TJP1: variants seen among roughly 807,000 people sequenced by gnomAD.
TJP1 encodes the protein tight junction protein ZO-1.
TJP1 carries 43 observed loss-of-function variants against 194.2 expected under a neutral mutation model. The observed-to-expected ratio is 0.22, with a 90% CI of 0.17 to 0.29. The LOEUF (loss-of-function observed/expected upper bound fraction) is 0.29. Ranked by LOEUF, TJP1 falls within the 10% of genes least tolerant of loss-of-function variation. The pLI is 1.00. For synonymous variants in TJP1, 801 were observed against 779.0 expected (o/e 1.03, Z -0.47); for missense variants, 1,971 against 2,185.7 (o/e 0.90, Z 1.96).
At chr15:29,703,773 G>A (rs2041710607) in intron 27 of TJP1, among the ~76,000 whole-genome samples, 2 of 151,996 alleles carry the variant, frequency 1.3e-5, no homozygotes, top group Non-Finnish European at 2.9e-5. Flanking sequence ...CTCCCGAGTA[G>A]CTGGGATTAC....
In TJP1 at chr15:29,718,605, A is replaced by G; in HGVS notation, c.3537T>C (p.Pro1179=). The G allele has an allele frequency of 6.2e-7, 1 of 1,614,190 alleles. No individual in the cohort carries two copies. Among genetic ancestry groups the G allele is most frequent in the Non-Finnish European group, 8.5e-7 (1 of 1,180,030 alleles). The stretch of plus-strand genomic sequence containing the variant: ...ACTCTGCAGGCTTGGGCCCTGCTGA[A>G]GGGTGGGGCTGGGCTTCCGGTCTGA... ...GRLRPEAQPH[P]SAGPKPAESK... The change falls in exon 21 of 28, where the codon CCT becomes CCC. Residue 1179 remains proline (P), a synonymous_variant. Coordinates refer to ENST00000614355, the MANE Select transcript of TJP1 (RefSeq NM_001330239.4).
chr15:29,946,430 G>C (rs2055284551), intron 2 of TJP1, among the ~76,000 whole-genome samples: 1 of 152,222 alleles, frequency 6.6e-6, no homozygotes, highest in East Asian at 1.9e-4. Context: ...ACCACATGGT[G>C]AATTAAGTGT....
At chr15:29,911,330 G>T (rs963992328) in intron 2 of TJP1, among the ~76,000 whole-genome samples, 1 of 152,146 alleles carries the variant, frequency 6.6e-6, no homozygotes, top group African/African-American at 2.4e-5. Flanking sequence ...AGGCATAATG[G>T]AACCCATTAG....
At chr15:29,831,481 C>A (rs1317305397) in intron 2 of TJP1, among the ~76,000 whole-genome samples, 1 of 152,038 alleles carries the variant, frequency 6.6e-6, no homozygotes, top group Non-Finnish European at 1.5e-5. Context: ...AACAGAAATA[C>A]AAGGGAAGGA....
chr15:29,947,743 T>C (rs1273595856), intron 2 of TJP1, among the ~76,000 whole-genome samples: 1 of 152,194 alleles, frequency 6.6e-6, no homozygotes, highest in Non-Finnish European at 1.5e-5. Flanking sequence ...TTTCTGACCC[T>C]TTACTCTGCC....
intron 1 of TJP1, among the ~76,000 whole-genome samples, chr15:29,812,262 C>T (rs961500413): frequency 6.6e-6 from 1 of 152,206 alleles, no homozygotes; most frequent in Non-Finnish European, 1.5e-5. Context: ...ATGGTGTTTA[C>T]ACGGGTGTTC....
chr15:29,921,298 T>C (rs2054350255), intron 2 of TJP1, among the ~76,000 whole-genome samples: 1 of 152,180 alleles, frequency 6.6e-6, no homozygotes, highest in African/African-American at 2.4e-5. Context: ...TCAGACCAGA[T>C]TCCTTTCATT....
chr15:29,842,441 T>C (rs566358110), intron 2 of TJP1, among the ~76,000 whole-genome samples: 1 of 80 alleles, frequency 0.013, no homozygotes, highest in South Asian at 0.25. Flanking sequence ...CTGGACAGTA[T>C]GCCATCCCCC....
chr15:29,818,636 G>C (rs891376852), intron 1 of TJP1, among the ~76,000 whole-genome samples: 3 of 151,418 alleles, frequency 2.0e-5, no homozygotes, highest in Non-Finnish European at 4.4e-5. Context: ...TTCCCATTAG[G>C]GGGGATTACA....
At chr15:29,918,406 A>G (rs2054253159) in intron 2 of TJP1, among the ~76,000 whole-genome samples, 1 of 152,178 alleles carries the variant, frequency 6.6e-6, no homozygotes, top group African/African-American at 2.4e-5. Context: ...AAAGACAGAA[A>G]CCAAAATAAA....
At chr15:29,800,523 A>G (rs918097162) in intron 2 of TJP1, 123 bp downstream of exon 2, 1 of 856,932 alleles carries the variant, frequency 1.2e-6, no homozygotes. Context: ...AATTTTAAAC[A>G]AAAGAATATA....
At chr15:29,815,224 G>A (rs1294373581) in intron 1 of TJP1, among the ~76,000 whole-genome samples, 1 of 152,208 alleles carries the variant, frequency 6.6e-6, no homozygotes, top group Admixed American at 6.5e-5. Flanking sequence ...CTAGGTCAGA[G>A]AGAGCAAAAG....
At chr15:29,699,985 C>A, downstream of TJP1, 1 of 280,696 alleles carries the variant, frequency 3.6e-6, no homozygotes, top group Non-Finnish European at 6.6e-6. Flanking sequence ...ATGAGCACTG[C>A]CCACCCATCT....
At position 29,719,763 on chromosome 15, in the gene TJP1, C is replaced by A. The variant is rs770421802; in HGVS notation, c.3003+14G>T. On this transcript the variant is annotated intron_variant, in intron 20 of 27. Transcript: ENST00000614355. ...GGACAGCAACAAATTAGTGCAACAC[C>A]GCAGCACAGGTACCTTTGTTGGATC... 1.9e-6 allele frequency: 3 copies of A among 1,608,444 alleles called. No individual in the cohort carries two copies. Among genetic ancestry groups the A allele is most frequent in the Non-Finnish European group, 2.5e-6 (3 of 1,176,674 alleles).
intron 2 of TJP1, among the ~76,000 whole-genome samples, chr15:29,788,333 T>A (rs1031752067): frequency 6.6e-6 from 1 of 152,290 alleles, no homozygotes; most frequent in African/African-American, 2.4e-5. Flanking sequence ...TGTATCTGTT[T>A]TCCCTTTTGT....
At chr15:29,794,112 CT>C (rs934826372) in intron 2 of TJP1, among the ~76,000 whole-genome samples, 2 of 152,016 alleles carry the variant, frequency 1.3e-5, no homozygotes, top group South Asian at 2.1e-4. Flanking sequence ...TGATGATTTT[CT>C]TTTTTTCTTT....
At chr15:29,737,946 C>T (rs2044146275) in intron 10 of TJP1, among the ~76,000 whole-genome samples, 1 of 152,116 alleles carries the variant, frequency 6.6e-6, no homozygotes, top group South Asian at 2.1e-4. Flanking sequence ...TTCAGTAGTT[C>T]ACAGAGTAGT....
At chr15:29,834,030 C>G (rs2337177) in intron 2 of TJP1, among the ~76,000 whole-genome samples, 1 of 134,716 alleles carries the variant, frequency 7.4e-6, no homozygotes, top group Non-Finnish European at 1.6e-5. Context: ...TACAGGCGCC[C>G]GCCACCACGC....
At chr15:29,772,333 T>C (rs1595842189) in intron 3 of TJP1, among the ~76,000 whole-genome samples, 167 bp from the exon 4 acceptor site, 1 of 152,226 alleles carries the variant, frequency 6.6e-6, no homozygotes, top group East Asian at 1.9e-4. Context: ...TACTTTCAGA[T>C]TTCTCTGCAG....
Sources: allele counts gnomAD v4.1 joint callset (sites outside exome capture counted in the v4.1 genomes callset), GRCh38; gene constraint gnomAD v4.1.1; transcripts MANE v1.5; gene names NCBI Gene and HGNC (gene_info 2026-07-23, HGNC 2026-07-21).